The following CDH4 variants were observed in gnomAD, a reference collection of about 807,000 sequenced individuals.
The protein encoded by CDH4 is cadherin 4.
In CDH4, 33 loss-of-function variants were observed where a neutral mutation model predicts 86.0. That is an observed-to-expected ratio of 0.38 (90% CI 0.29 to 0.51). The LOEUF (loss-of-function observed/expected upper bound fraction) is 0.51. CDH4 is among the 20% of genes least tolerant of loss of function. The probability of loss-of-function intolerance (pLI) is 0.86; values close to 1 mark genes in which losing one functional copy is unlikely to be tolerated. For missense variants in CDH4, 1,114 were observed against 1,307.4 expected, an observed-to-expected ratio of 0.85 and a Z score of 2.28; for synonymous variants, 555 against 549.4, an observed-to-expected ratio of 1.01 and a Z score of -0.14.
intron 2 of CDH4, among the ~76,000 whole-genome samples, chr20:61,327,219 A>G (rs2084541663): frequency 6.6e-6 from 1 of 152,268 alleles, no homozygotes; most frequent in Admixed American, 6.5e-5. Context: ...GTGTGGCTAT[A>G]TAAAAATTGA....
At position 61,454,548 on chromosome 20, in the gene CDH4, CCATTCT is replaced by C. The variant is rs1190035757; in HGVS notation, c.169+199613_169+199618del. ...GCAAGCTCCGCCTCCCGGGTTCACGCCATTCTCCTGCCTCAGCCTCCGGAGTAGCTG... is the reference window on the plus strand; with the variant it reads ...GCAAGCTCCGCCTCCCGGGTTCACGCCCTGCCTCAGCCTCCGGAGTAGCTG... On this transcript the variant is annotated intron_variant, in intron 2 of 15. Transcript: ENST00000614565. Among the ~76,000 whole-genome samples, 13 of 152,274 alleles carry C rather than the reference CCATTCT, an allele frequency of 8.5e-5. 1 individual carries two copies. The South Asian group carries it at 2.7e-3, about 32-fold the overall frequency.
chr20:61,405,696 A>C (rs1016112713), intron 2 of CDH4, among the ~76,000 whole-genome samples: 10 of 144,700 alleles, frequency 6.9e-5, no homozygotes, highest in Admixed American at 3.4e-4. Flanking sequence ...ATGTATCTAT[A>C]ATTTTTTTTT....
At chr20:61,868,708 G>GTGTCCCCCCACACTGGGCTGA (rs11466871) in intron 6 of CDH4, among the ~76,000 whole-genome samples, 1 of 151,280 alleles carries the variant, frequency 6.6e-6, no homozygotes, top group Non-Finnish European at 1.5e-5. Flanking sequence ...CTCTGGGCAG[G>GTGTCCCCCCACACTGGGCTGA]TGTCCCCCCA....
chr20:61,785,511 G>A (rs1283892134), intron 4 of CDH4, among the ~76,000 whole-genome samples: 1 of 152,194 alleles, frequency 6.6e-6, no homozygotes, highest in Non-Finnish European at 1.5e-5. Context: ...TGTCAGGTAG[G>A]ATCGTCTGGT....
At chr20:61,576,654 A>T (rs1033387976) in intron 2 of CDH4, among the ~76,000 whole-genome samples, 6 of 152,208 alleles carry the variant, frequency 3.9e-5, no homozygotes, top group Non-Finnish European at 7.3e-5. Context: ...TCTGGGCCAG[A>T]TGGAGCCTTG....
intron 2 of CDH4, among the ~76,000 whole-genome samples, chr20:61,700,855 G>T (rs1473728194): frequency 1.3e-5 from 2 of 152,234 alleles, no homozygotes; most frequent in African/African-American, 4.8e-5. Context: ...TTCAAAGCTG[G>T]AGTGCCTGAT....
At chr20:61,787,429 C>A (rs1432148217) in intron 4 of CDH4, among the ~76,000 whole-genome samples, 1 of 152,198 alleles carries the variant, frequency 6.6e-6, no homozygotes, top group Non-Finnish European at 1.5e-5. Flanking sequence ...CATCAGCTCT[C>A]ATGAGAATTC....
chr20:61,331,096 G>A (rs990363081), intron 2 of CDH4, among the ~76,000 whole-genome samples: 22 of 152,180 alleles, frequency 1.4e-4, no homozygotes, highest in African/African-American at 4.8e-4. Flanking sequence ...GCCACCCCAC[G>A]TGTGGGAGGA....
chr20:61,828,064 G>A lies in CDH4; in HGVS notation c.577-16604G>A, dbSNP rs147900051. 2.1e-3 allele frequency among the ~76,000 whole-genome samples: 321 copies of A among 152,204 alleles called. 2 individuals are homozygous for A. Among genetic ancestry groups the A allele is most frequent in the African/African-American group, 7.1e-3 (294 of 41,520 alleles). On this transcript the variant is annotated intron_variant, in intron 4 of 15. Transcript: ENST00000614565. ...GCCCACTGCCTCAAGGTAATATGACGGGAAGTTGCACCTCATAAAGTTTTC... is the reference window on the plus strand; with the variant it reads ...GCCCACTGCCTCAAGGTAATATGACAGGAAGTTGCACCTCATAAAGTTTTC...
intron 2 of CDH4, among the ~76,000 whole-genome samples, chr20:61,731,659 C>T (rs870644): frequency 0.27 from 40,992 of 152,196 alleles, 7,254 homozygotes; most frequent in African/African-American, 0.5. Context: ...CCCAGAACTG[C>T]GCAGGTGGGT....
At chr20:61,882,278 T>A (rs1228238172) in intron 7 of CDH4, among the ~76,000 whole-genome samples, 1 of 152,218 alleles carries the variant, frequency 6.6e-6, no homozygotes, top group Non-Finnish European at 1.5e-5. Context: ...GATGGCACCA[T>A]GACGTGAAAG....
intron 2 of CDH4, among the ~76,000 whole-genome samples, chr20:61,557,518 C>T (rs922641939): frequency 6.6e-6 from 1 of 152,226 alleles, no homozygotes; most frequent in African/African-American, 2.4e-5. Flanking sequence ...CCTTGGTCTG[C>T]TCACTGCAGA....
chr20:61,608,860 C>T (rs559178585), intron 2 of CDH4, among the ~76,000 whole-genome samples: 1 of 152,266 alleles, frequency 6.6e-6, no homozygotes, highest in African/African-American at 2.4e-5. Flanking sequence ...CAGCAGATGT[C>T]CACCTTCCGT....
chr20:61,762,624 G>A (rs372788297), intron 3 of CDH4, among the ~76,000 whole-genome samples: 106 of 152,358 alleles, frequency 7.0e-4, no homozygotes, highest in African/African-American at 2.5e-3. Context: ...CAAAATCAGG[G>A]AAGTGAAGAA....
chr20:61,348,063 T>C (rs2084689915), intron 2 of CDH4, among the ~76,000 whole-genome samples: 1 of 152,218 alleles, frequency 6.6e-6, no homozygotes, highest in South Asian at 2.1e-4. Flanking sequence ...TTTCGCCCCA[T>C]AATGGTAAGC....
At position 61,440,037 on chromosome 20, in the gene CDH4, C is replaced by G. The variant is rs1032288020; in HGVS notation, c.169+185100C>G. On this transcript the variant is annotated intron_variant, in intron 2 of 15. Coordinates refer to ENST00000614565, the MANE Select transcript of CDH4 (RefSeq NM_001794.5). ...TTGTTTTATATTGCAACTGTCCTATCCATAAAGCCTCAGTGCAATGGAGTT... is the reference window on the plus strand; with the variant it reads ...TTGTTTTATATTGCAACTGTCCTATGCATAAAGCCTCAGTGCAATGGAGTT... 2.0e-5 allele frequency among the ~76,000 whole-genome samples: 3 copies of G among 152,222 alleles called. No individual in the cohort carries two copies. The East Asian group carries it at 5.8e-4, about 29-fold the overall frequency.
chr20:61,437,954 G>A (rs1391776228), intron 2 of CDH4, among the ~76,000 whole-genome samples: 2 of 152,178 alleles, frequency 1.3e-5, no homozygotes, highest in African/African-American at 4.8e-5. Flanking sequence ...CAGCTTCATG[G>A]GCCGGATGTC....
chr20:61,284,908 G>T (rs1006998039), intron 2 of CDH4, among the ~76,000 whole-genome samples: 1 of 152,224 alleles, frequency 6.6e-6, no homozygotes, highest in Non-Finnish European at 1.5e-5. Context: ...GTACATGAAT[G>T]GGTGGGGCTG....
chr20:61,462,834 G>T (rs1261669601), intron 2 of CDH4, among the ~76,000 whole-genome samples: 2 of 152,190 alleles, frequency 1.3e-5, no homozygotes, highest in African/African-American at 4.8e-5. Flanking sequence ...AAGGAGGGAG[G>T]TGGACAGTCA....
Sources: gnomAD v4.1 joint callset for allele counts (sites outside exome capture counted in the v4.1 genomes callset) on GRCh38, gnomAD v4.1.1 for gene constraint, MANE v1.5 for transcripts, NCBI Gene and HGNC (gene_info 2026-07-23, HGNC 2026-07-21) for gene names.